The following PCLO variants were observed in gnomAD, a reference collection of about 807,000 sequenced individuals.
PCLO encodes piccolo presynaptic cytomatrix protein, also known as protein piccolo.
A neutral mutation model predicts 427.5 loss-of-function variants in PCLO; 82 were observed. The observed-to-expected ratio is 0.19, with a 90% CI of 0.16 to 0.23. The LOEUF is 0.23. PCLO is among the 10% of genes least tolerant of loss of function. The probability of loss-of-function intolerance (pLI) is 1.00; values close to 1 mark genes in which losing one functional copy is unlikely to be tolerated. For synonymous variants in PCLO, 2,357 were observed against 2,155.4 expected (o/e 1.09, Z -2.59); for missense variants, 6,239 against 6,115.9 (o/e 1.02, Z -0.67).
chr7:83,114,499 G>C (rs1183477665), intron 3 of PCLO, among the ~76,000 whole-genome samples: 1 of 151,996 alleles, frequency 6.6e-6, no homozygotes, highest in Non-Finnish European at 1.5e-5. Flanking sequence ...AGATTCAATA[G>C]AACATGATAA....
intron 3 of PCLO, among the ~76,000 whole-genome samples, chr7:83,122,435 A>G (rs984429732): frequency 2.0e-5 from 3 of 151,608 alleles, no homozygotes; most frequent in African/African-American, 7.3e-5. Flanking sequence ...ACAGACGTCC[A>G]CCACCACGCC....
At chr7:82,990,943 C>T (rs1470303334) in intron 3 of PCLO, among the ~76,000 whole-genome samples, 1 of 152,088 alleles carries the variant, frequency 6.6e-6, no homozygotes. Context: ...AATTGATATT[C>T]ATTTATTTCT....
chr7:83,059,600 C>G (rs1422564966), intron 3 of PCLO, among the ~76,000 whole-genome samples: 1 of 151,566 alleles, frequency 6.6e-6, no homozygotes, highest in Non-Finnish European at 1.5e-5. Flanking sequence ...ATTTATTTAA[C>G]CAATCTCCAT....
At chr7:82,923,022 A>G (rs764230336) in intron 6 of PCLO, among the ~76,000 whole-genome samples, 40 of 152,056 alleles carry the variant, frequency 2.6e-4, no homozygotes, top group Non-Finnish European at 4.6e-4. Context: ...TTTTTCAAAC[A>G]GCATAATTTC....
chr7:83,006,665 A>C (rs1414773279), intron 3 of PCLO, among the ~76,000 whole-genome samples: 5 of 151,546 alleles, frequency 3.3e-5, no homozygotes, highest in Non-Finnish European at 4.4e-5. Flanking sequence ...CCCTAAGAAT[A>C]GTGTTGTATA....
At chr7:82,825,156 T>TC (rs1219730626) in intron 18 of PCLO, among the ~76,000 whole-genome samples, 1 of 152,152 alleles carries the variant, frequency 6.6e-6, no homozygotes, top group Non-Finnish European at 1.5e-5. Flanking sequence ...CCACATTTTG[T>TC]CATGGTTTAA....
chr7:82,893,502 A>G (rs4273793), intron 9 of PCLO, among the ~76,000 whole-genome samples: 5,078 of 152,116 alleles, frequency 0.033, 298 homozygotes, highest in African/African-American at 0.11. Flanking sequence ...CAGCACACCA[A>G]CATGGCACAT....
intron 22 of PCLO, among the ~76,000 whole-genome samples, chr7:82,788,824 G>C (rs987882141): frequency 6.6e-6 from 1 of 151,130 alleles, no homozygotes; most frequent in East Asian, 1.9e-4. Flanking sequence ...ACGTCTCCAT[G>C]TTATCATGTT....
chr7:83,045,857 A>T (rs562478698), intron 3 of PCLO, among the ~76,000 whole-genome samples: 1 of 152,074 alleles, frequency 6.6e-6, no homozygotes. Context: ...TTAATGTTAC[A>T]ACACTTAGAT....
At chr7:82,939,003 T>G (rs1795019162) in intron 6 of PCLO, among the ~76,000 whole-genome samples, 1 of 152,028 alleles carries the variant, frequency 6.6e-6, no homozygotes, top group African/African-American at 2.4e-5. Context: ...TATTCCCCTT[T>G]TTCTTTTCAG....
At chr7:83,097,131 CATTATACATTATATAAATAT>C (rs1475459692) in intron 3 of PCLO, among the ~76,000 whole-genome samples, 2 of 74,788 alleles carry the variant, frequency 2.7e-5, no homozygotes, top group African/African-American at 1.0e-4. Context: ...ATATATTATA[CATTATACATTATATAAATAT>C]ATTATACATT....
chr7:82,846,556 C>A lies in PCLO; in HGVS notation c.13831+11G>T. On this transcript the variant is annotated intron_variant, in intron 12 of 24. Coordinates refer to ENST00000333891, the MANE Select transcript of PCLO (RefSeq NM_033026.6). Reference sequence around the variant, plus strand: ...TTTATTTACAGTTGAAACTAGATTTCTTTTACCTACCAGCTTTTGGTGGCT... The same window carrying A: ...TTTATTTACAGTTGAAACTAGATTTATTTTACCTACCAGCTTTTGGTGGCT... The A allele has an allele frequency of 6.3e-7, 1 of 1,583,010 alleles. No individual in the cohort carries two copies. The highest frequency in any genetic ancestry group is 8.7e-7 in the Non-Finnish European group (1 of 1,155,346).
At chr7:83,151,852 T>C (rs1052613681) in intron 2 of PCLO, among the ~76,000 whole-genome samples, 4 of 152,146 alleles carry the variant, frequency 2.6e-5, no homozygotes, top group Admixed American at 2.0e-4. Flanking sequence ...TAGTAACTAC[T>C]TGAATGCCAG....
rs561650658 is a variant in PCLO at position 82,892,717 on chromosome 7, A to C, written c.13528+9934T>G. On this transcript the variant is annotated intron_variant, in intron 9 of 24. Transcript: ENST00000333891. ...AATATCCAGAATCTACAATGAACTC[A>C]AACAAATTTACAAGAAAAAAACAAC... is the stretch of plus-strand genomic sequence containing the variant. 5.1e-3 allele frequency among the ~76,000 whole-genome samples: 780 copies of C among 152,220 alleles called. 7 individuals are homozygous for C. The highest frequency in any genetic ancestry group is 0.018 in the African/African-American group (744 of 41,518).
At chr7:83,099,555 A>AT (rs972533697) in intron 3 of PCLO, among the ~76,000 whole-genome samples, 4 of 151,566 alleles carry the variant, frequency 2.6e-5, no homozygotes, top group Admixed American at 2.0e-4. Flanking sequence ...TGCCCAGCTC[A>AT]TTTTTTTGTA....
At chr7:82,925,058 G>A (rs533783479) in intron 6 of PCLO, among the ~76,000 whole-genome samples, 78 of 152,182 alleles carry the variant, frequency 5.1e-4, no homozygotes, top group African/African-American at 1.8e-3. Context: ...GAACTGCACT[G>A]ACTTTGAATA....
intron 3 of PCLO, among the ~76,000 whole-genome samples, chr7:83,067,470 GA>G (rs997373494): frequency 6.6e-6 from 1 of 151,744 alleles, no homozygotes; most frequent in African/African-American, 2.4e-5. Context: ...TTCCTTTTTA[GA>G]AAGAATTTTT....
intron 3 of PCLO, among the ~76,000 whole-genome samples, chr7:83,006,410 T>A (rs550637247): frequency 1.3e-5 from 2 of 151,564 alleles, no homozygotes; most frequent in African/African-American, 4.8e-5. Flanking sequence ...TTTTGAACAA[T>A]AATTTATTTT....
rs747290231 is a variant in PCLO at position 82,879,327 on chromosome 7, T to A, written c.13654+10A>T. On this transcript the variant is annotated intron_variant, in intron 10 of 24. Coordinates refer to ENST00000333891, the MANE Select transcript of PCLO (RefSeq NM_033026.6). ...TCATTTTATTTTACTGTAAAATTCC[T>A]TATTCTTACCTTCCATAAGCTTCCC... 6.3e-7 allele frequency: 1 copy of A among 1,598,806 alleles called. No individual in the cohort carries two copies.
Sources: allele counts gnomAD v4.1 joint callset (sites outside exome capture counted in the v4.1 genomes callset), GRCh38; gene constraint gnomAD v4.1.1; transcripts MANE v1.5; gene names NCBI Gene and HGNC (gene_info 2026-07-23, HGNC 2026-07-21).